The following JMJD1C variants were observed in gnomAD, a reference collection of about 807,000 sequenced individuals.
The protein encoded by JMJD1C is jumonji domain-containing protein 1C.
A neutral mutation model predicts 245.3 loss-of-function variants in JMJD1C; 31 were observed. The ratio of observed to expected loss-of-function variants is 0.13; its 90% confidence interval spans 0.09 to 0.17. JMJD1C has a LOEUF of 0.17. Ranked by LOEUF, JMJD1C falls within the 10% of genes least tolerant of loss-of-function variation. The pLI is 1.00. For missense variants in JMJD1C, 2,691 were observed against 3,000.2 expected, an observed-to-expected ratio of 0.90 and a Z score of 2.41; for synonymous variants, 1,057 against 1,017.4, an observed-to-expected ratio of 1.04 and a Z score of -0.74.
intron 1 of JMJD1C, among the ~76,000 whole-genome samples, chr10:63,435,703 G>A (rs149534532): frequency 2.6e-5 from 4 of 152,034 alleles, no homozygotes; most frequent in Non-Finnish European, 5.9e-5. Context: ...AGTTCGACAC[G>A]AATCTGGCCA....
At chr10:63,202,484 G>A (rs377728746) in intron 10 of JMJD1C, 3 of 985,344 alleles carry the variant, frequency 3.0e-6, no homozygotes, top group South Asian at 4.7e-5. Flanking sequence ...CTGAGACTAC[G>A]TACTTCTTGC....
intron 3 of JMJD1C, among the ~76,000 whole-genome samples, chr10:63,260,747 G>GC (rs11370668): frequency 0.86 from 130,230 of 151,580 alleles, 56,646 homozygotes; most frequent in African/African-American, 0.96. Flanking sequence ...CCGCCACCAC[G>GC]CCGGTTAATT....
At position 63,314,949 on chromosome 10, in the gene JMJD1C, C is replaced by CTTTTT. The variant is rs201119978; in HGVS notation, c.334-50190_334-50186dup. On this transcript the variant is annotated intron_variant, in intron 2 of 25. Transcript: ENST00000399262. The stretch of plus-strand genomic sequence containing the variant: ...CAGGCTTGAGTTCACTGTGCCCAGC[C>CTTTTT]TTTTTTGTTTTTTTTTTTTTTTTGA... Among the ~76,000 whole-genome samples, 11 of 118,644 alleles carry CTTTTT rather than the reference C, an allele frequency of 9.3e-5. 1 individual carries two copies. The highest frequency in any genetic ancestry group is 8.5e-5 in the Non-Finnish European group (5 of 58,790). The allele number at this position is 118,644 out of a possible 152,430, so 77.8% of individuals were successfully genotyped here. A position where few individuals can be genotyped will look rare whatever the true frequency, so the allele number is the denominator to read the frequency against.
At chr10:63,235,531 A>G (rs1287748048) in intron 3 of JMJD1C, among the ~76,000 whole-genome samples, 1 of 152,202 alleles carries the variant, frequency 6.6e-6, no homozygotes, top group African/African-American at 2.4e-5. Context: ...ATCAGCATGA[A>G]CACAAAACCA....
intron 2 of JMJD1C, among the ~76,000 whole-genome samples, chr10:63,342,765 G>C (rs1035252536): frequency 6.6e-6 from 1 of 152,126 alleles, no homozygotes; most frequent in Non-Finnish European, 1.5e-5. Flanking sequence ...TATAATTTCA[G>C]ATTCAAAAAT....
At chr10:63,230,777 C>A (rs184268578) in intron 3 of JMJD1C, among the ~76,000 whole-genome samples, 17 of 150,932 alleles carry the variant, frequency 1.1e-4, no homozygotes, top group South Asian at 6.3e-4. Context: ...TGTCCCCCCC[C>A]CCAAAAAAAA....
At chr10:63,198,481 T>C (rs761732808) in intron 12 of JMJD1C, 32 bp downstream of exon 12, 19 of 1,266,684 alleles carry the variant, frequency 1.5e-5, no homozygotes, top group Non-Finnish European at 1.9e-5. Flanking sequence ...AAATGAAATT[T>C]GTGCAGTTCA....
At chr10:63,252,323 T>C (rs1259907402) in intron 3 of JMJD1C, among the ~76,000 whole-genome samples, 1 of 152,206 alleles carries the variant, frequency 6.6e-6, no homozygotes, top group Non-Finnish European at 1.5e-5. Context: ...TCTGGAAGTA[T>C]TTTTAGATGT....
intron 22 of JMJD1C, among the ~76,000 whole-genome samples, chr10:63,179,600 C>A (rs1463615867): frequency 6.6e-6 from 1 of 151,552 alleles, no homozygotes; most frequent in African/African-American, 2.4e-5. Flanking sequence ...TGGTAAAACC[C>A]GTCTTTACAA....
At chr10:63,352,214 CAAATT>C (rs1455929256) in intron 2 of JMJD1C, among the ~76,000 whole-genome samples, 2 of 151,944 alleles carry the variant, frequency 1.3e-5, no homozygotes, top group African/African-American at 4.8e-5. Flanking sequence ...CGTTTAGAAA[CAAATT>C]AAATGAGCAA....
intron 2 of JMJD1C, among the ~76,000 whole-genome samples, chr10:63,363,049 G>C (rs553055441): frequency 6.6e-6 from 1 of 151,968 alleles, no homozygotes; most frequent in East Asian, 1.9e-4. Context: ...GAAATAAATG[G>C]GGCTGAAAGA....
intron 1 of JMJD1C, among the ~76,000 whole-genome samples, chr10:63,516,016 A>C (rs1306591934): frequency 6.8e-6 from 1 of 146,332 alleles, no homozygotes; most frequent in Non-Finnish European, 1.6e-5. Flanking sequence ...GCTATCAAGA[A>C]TATAATACCT....
At chr10:63,464,491 G>A (rs542871087) in intron 1 of JMJD1C, among the ~76,000 whole-genome samples, 1 of 152,008 alleles carries the variant, frequency 6.6e-6, no homozygotes, top group Non-Finnish European at 1.5e-5. Context: ...AATGGCTCAG[G>A]GCATTACAAA....
chr10:63,503,401 G>A (rs181485598), intron 1 of JMJD1C, among the ~76,000 whole-genome samples: 5 of 152,218 alleles, frequency 3.3e-5, no homozygotes, highest in East Asian at 1.9e-4. Context: ...AAACATTTTC[G>A]TAGTGTGAAA....
At chr10:63,376,461 C>T (rs933965573) in intron 2 of JMJD1C, among the ~76,000 whole-genome samples, 3 of 151,828 alleles carry the variant, frequency 2.0e-5, no homozygotes, top group Non-Finnish European at 4.4e-5. Context: ...GCAGCACGGG[C>T]CACTGCTAAC....
At chr10:63,386,110 A>ACC (rs1420570782) in intron 1 of JMJD1C, among the ~76,000 whole-genome samples, 2 of 151,900 alleles carry the variant, frequency 1.3e-5, no homozygotes, top group Admixed American at 6.6e-5. Flanking sequence ...ACACACACAC[A>ACC]CCCCAAAAAG....
chr10:63,246,846 C>T (rs991551926), intron 3 of JMJD1C, among the ~76,000 whole-genome samples: 1 of 151,618 alleles, frequency 6.6e-6, no homozygotes, highest in Non-Finnish European at 1.5e-5. Flanking sequence ...TCCTGAACAA[C>T]GAATAGGTCA....
At chr10:63,188,117 T>C (rs899749624) in intron 18 of JMJD1C, among the ~76,000 whole-genome samples, 1 of 152,250 alleles carries the variant, frequency 6.6e-6, no homozygotes, top group African/African-American at 2.4e-5. Flanking sequence ...ACTAGTATCC[T>C]AGCTTTGACA....
intron 1 of JMJD1C, among the ~76,000 whole-genome samples, chr10:63,444,437 C>CT (rs1361442648): frequency 5.3e-5 from 8 of 151,882 alleles, no homozygotes; most frequent in Non-Finnish European, 8.8e-5. Flanking sequence ...CCACACCCAT[C>CT]TAATTTTTGT....
Sources: allele counts gnomAD v4.1 joint callset (sites outside exome capture counted in the v4.1 genomes callset), GRCh38; gene constraint gnomAD v4.1.1; transcripts MANE v1.5; gene names NCBI Gene and HGNC (gene_info 2026-07-23, HGNC 2026-07-21).